Variants in DPY19L1 observed in about 807,000 individuals in gnomAD.
The protein encoded by DPY19L1 is dpy-19 like C-mannosyltransferase 1, also known as protein C-mannosyl-transferase DPY19L1.
In DPY19L1, 35 loss-of-function variants were observed where a neutral mutation model predicts 96.9. The ratio of observed to expected loss-of-function variants is 0.36; its 90% CI spans 0.28 to 0.48. The LOEUF is 0.48. DPY19L1 is among the 20% of genes least tolerant of loss of function. The pLI is 0.99. For missense variants in DPY19L1, 521 were observed against 777.9 expected (o/e 0.67, Z 3.93); for synonymous variants, 205 against 252.6 (o/e 0.81, Z 1.79).
chr7:34,957,087 A>G (rs1410709454), intron 11 of DPY19L1, among the ~76,000 whole-genome samples: 1 of 152,190 alleles, frequency 6.6e-6, no homozygotes, highest in African/African-American at 2.4e-5. Flanking sequence ...TTAGACTTAC[A>G]AAGTCATCCT....
chr7:35,035,804 A>G (rs2128685252), intron 1 of DPY19L1, among the ~76,000 whole-genome samples: 1 of 152,240 alleles, frequency 6.6e-6, no homozygotes, highest in East Asian at 1.9e-4. Context: ...ACCGCTGTGT[A>G]CTAGATCTGA....
intron 15 of DPY19L1, 46 bp from the exon 16 acceptor site, chr7:34,945,762 A>C: frequency 7.5e-7 from 1 of 1,331,510 alleles, no homozygotes; most frequent in Non-Finnish European, 1.1e-6. Flanking sequence ...TGTTGGGAAA[A>C]ATGATATTTT....
At chr7:34,966,418 T>C (rs1276041450) in intron 10 of DPY19L1, among the ~76,000 whole-genome samples, 1 of 152,040 alleles carries the variant, frequency 6.6e-6, no homozygotes, top group Non-Finnish European at 1.5e-5. Flanking sequence ...CCACATCAAC[T>C]TCCTAAGTAG....
chr7:34,957,712 G>A (rs1469819446), intron 11 of DPY19L1, among the ~76,000 whole-genome samples: 1 of 152,054 alleles, frequency 6.6e-6, no homozygotes, highest in Non-Finnish European at 1.5e-5. Context: ...GAGAGGAAAG[G>A]GGTTCAAAAA....
intron 10 of DPY19L1, among the ~76,000 whole-genome samples, chr7:34,961,248 G>A (rs1637677): frequency 0.26 from 40,086 of 151,988 alleles, 5,508 homozygotes; most frequent in Non-Finnish European, 0.31. Flanking sequence ...TTCAAGACTT[G>A]CTATAAAGTT....
intron 13 of DPY19L1, among the ~76,000 whole-genome samples, chr7:34,952,114 T>TAAA (rs150497259): frequency 9.3e-5 from 10 of 107,876 alleles, no homozygotes; most frequent in South Asian, 6.0e-4. Flanking sequence ...GTAGGAAAAA[T>TAAA]AAAAAAAAAG....
rs1318732297 is a variant in DPY19L1, at chr7:34,930,437, A to C, written c.*1136T>G. 6.6e-6 allele frequency: 1 copy of C among 152,196 alleles called. No homozygotes were observed. Among genetic ancestry groups the C allele is most frequent in the Non-Finnish European group, 1.5e-5 (1 of 68,030 alleles). The allele number at this position is 152,196 out of a possible 1,614,324, so 9.4% of individuals were successfully genotyped here. On this transcript the variant is annotated 3_prime_UTR_variant, in exon 22 of 22. Transcript: ENST00000638088. Reference sequence around the variant, plus strand: ...CTTATACTGAAATGATGGTTTTTAGAACCAAAATTATAACATAAGGCTTAA... The same window carrying C: ...CTTATACTGAAATGATGGTTTTTAGCACCAAAATTATAACATAAGGCTTAA...
At chr7:34,947,572 T>C in intron 15 of DPY19L1, 58 bp downstream of exon 15, 1 of 1,462,172 alleles carries the variant, frequency 6.8e-7, no homozygotes, top group Non-Finnish European at 9.4e-7. Flanking sequence ...ATGCGACTAC[T>C]ATGTAAAAAC....
At chr7:35,005,985 C>A (rs959056592) in intron 6 of DPY19L1, among the ~76,000 whole-genome samples, 4 of 152,126 alleles carry the variant, frequency 2.6e-5, no homozygotes, top group Non-Finnish European at 4.4e-5. Flanking sequence ...GAGCCTTAAA[C>A]AAAGGCACTT....
chr7:34,949,090 CATGG>C (rs1784214074), intron 14 of DPY19L1, among the ~76,000 whole-genome samples: 1 of 152,200 alleles, frequency 6.6e-6, no homozygotes, highest in African/African-American at 2.4e-5. Context: ...ATCAGTACCA[CATGG>C]ATGGTGTTAA....
intron 6 of DPY19L1, chr7:35,000,436 A>T (rs1401565821): frequency 6.6e-6 from 1 of 152,240 alleles, no homozygotes; most frequent in African/African-American, 2.4e-5. Context: ...ACAAAAGCAG[A>T]CATTTAAGAA....
At chr7:34,948,181 G>A (rs1784191913) in intron 14 of DPY19L1, among the ~76,000 whole-genome samples, 1 of 151,918 alleles carries the variant, frequency 6.6e-6, no homozygotes, top group East Asian at 1.9e-4. Flanking sequence ...AAAAAAAATA[G>A]AAATAAGTTT....
At chr7:34,986,635 C>T (rs1220362068) in intron 7 of DPY19L1, among the ~76,000 whole-genome samples, 1 of 151,898 alleles carries the variant, frequency 6.6e-6, no homozygotes, top group East Asian at 1.9e-4. Context: ...ATATAAATGG[C>T]ATAACTATTT....
chr7:35,009,241 T>C (rs185336287), intron 6 of DPY19L1, among the ~76,000 whole-genome samples: 1 of 152,316 alleles, frequency 6.6e-6, no homozygotes, highest in Non-Finnish European at 1.5e-5. Context: ...AATGCCACAC[T>C]TCCAAAGGAA....
upstream of DPY19L1, chr7:35,037,977 C>T (rs926032101): frequency 5.3e-6 from 6 of 1,123,566 alleles, no homozygotes; most frequent in African/African-American, 8.1e-5. Flanking sequence ...TAAGGCTGCG[C>T]TTGGAGCCCG....
At chr7:34,980,338 T>C (rs1207428263) in intron 7 of DPY19L1, among the ~76,000 whole-genome samples, 4 of 152,046 alleles carry the variant, frequency 2.6e-5, no homozygotes, top group African/African-American at 9.7e-5. Flanking sequence ...AAAGAAAATA[T>C]GAGAAAACCT....
intron 10 of DPY19L1, among the ~76,000 whole-genome samples, chr7:34,961,924 G>T (rs1784508700): frequency 6.6e-6 from 1 of 152,200 alleles, no homozygotes; most frequent in Non-Finnish European, 1.5e-5. Flanking sequence ...TCTACTGGAT[G>T]CCCAAAATCC....
chr7:34,950,746 A>C (rs1784251846), intron 13 of DPY19L1, among the ~76,000 whole-genome samples: 1 of 152,194 alleles, frequency 6.6e-6, no homozygotes, highest in South Asian at 2.1e-4. Flanking sequence ...AAGCATAAGA[A>C]ATCAATAGGA....
chr7:34,945,631 C>G (rs1784128844), intron 16 of DPY19L1, 36 bp downstream of exon 16: 2 of 1,329,590 alleles, frequency 1.5e-6, no homozygotes, highest in Non-Finnish European at 2.1e-6. Flanking sequence ...AATAAATGAA[C>G]AGAGGAGGTA....
Sources: allele counts gnomAD v4.1 joint callset (sites outside exome capture counted in the v4.1 genomes callset), GRCh38; gene constraint gnomAD v4.1.1; transcripts MANE v1.5; gene names NCBI Gene and HGNC (gene_info 2026-07-23, HGNC 2026-07-21).